SORCS1: variants seen among roughly 807,000 people sequenced by gnomAD.
SORCS1 encodes the protein sortilin related VPS10 domain containing receptor 1.
In SORCS1, 60 loss-of-function variants were observed where a neutral mutation model predicts 146.1. That is an observed-to-expected ratio of 0.41 (90% CI 0.33 to 0.51). SORCS1 has a LOEUF of 0.51. Ranked by LOEUF, SORCS1 falls within the 20% of genes least tolerant of loss-of-function variation. The pLI is 0.21. For synonymous variants in SORCS1, 637 were observed against 584.0 expected (o/e 1.09, Z -1.31); for missense variants, 1,352 against 1,487.6 (o/e 0.91, Z 1.50).
chr10:106,820,041 C>A (rs1947934272), intron 3 of SORCS1, among the ~76,000 whole-genome samples: 1 of 152,136 alleles, frequency 6.6e-6, no homozygotes. Flanking sequence ...TCCTTCTATG[C>A]CTCTTCTCTT....
intron 10 of SORCS1, among the ~76,000 whole-genome samples, chr10:106,680,735 C>T (rs1852377542): frequency 6.6e-6 from 1 of 152,234 alleles, no homozygotes; most frequent in Non-Finnish European, 1.5e-5. Context: ...CTTTTCATAT[C>T]TCAGGAAGAT....
At chr10:106,725,281 G>C (rs1225019713) in intron 6 of SORCS1, among the ~76,000 whole-genome samples, 1 of 152,134 alleles carries the variant, frequency 6.6e-6, no homozygotes, top group Non-Finnish European at 1.5e-5. Context: ...CGGGCGCAGT[G>C]GCTCATGTCT....
intron 3 of SORCS1, among the ~76,000 whole-genome samples, chr10:106,814,796 T>A (rs1947649991): frequency 6.7e-6 from 1 of 149,460 alleles, no homozygotes; most frequent in Non-Finnish European, 1.5e-5. Context: ...GCGCCTGTAG[T>A]CCCAGCTACT....
At chr10:107,181,045 A>G in the SORCS1 span, among the ~76,000 whole-genome samples, 1 of 152,162 alleles carries the variant, frequency 6.6e-6, no homozygotes, top group East Asian at 1.9e-4. Flanking sequence ...AAAATAGTAA[A>G]ACTGAGTAGG....
intron 18 of SORCS1, among the ~76,000 whole-genome samples, chr10:106,641,912 T>C (rs1000272154): frequency 6.6e-6 from 1 of 152,134 alleles, no homozygotes; most frequent in Non-Finnish European, 1.5e-5. Flanking sequence ...ATAACAGAGG[T>C]CCTAGTCAAA....
At chr10:106,752,924 C>G (rs1004611700) in intron 5 of SORCS1, among the ~76,000 whole-genome samples, 3 of 152,172 alleles carry the variant, frequency 2.0e-5, no homozygotes, top group African/African-American at 7.2e-5. Context: ...AATATGGAAG[C>G]CTATTTTTAA....
intron 17 of SORCS1, among the ~76,000 whole-genome samples, chr10:106,662,081 T>C (rs1400009653): frequency 6.6e-6 from 1 of 152,222 alleles, no homozygotes; most frequent in Non-Finnish European, 1.5e-5. Context: ...CCATCCATCC[T>C]TTCTAAGTCC....
chr10:107,113,691 A>G (rs1965842981), intron 1 of SORCS1, among the ~76,000 whole-genome samples: 1 of 135,964 alleles, frequency 7.4e-6, no homozygotes, highest in African/African-American at 3.1e-5. Flanking sequence ...CTCCATCTCA[A>G]AAAAAAAAAA....
intron 5 of SORCS1, among the ~76,000 whole-genome samples, chr10:106,747,120 C>T (rs1259079426): frequency 6.6e-6 from 1 of 152,192 alleles, no homozygotes; most frequent in Non-Finnish European, 1.5e-5. Flanking sequence ...AAACCCTTTA[C>T]CATAAATCTC....
chr10:106,798,797 A>G (rs924980780), intron 3 of SORCS1, among the ~76,000 whole-genome samples: 2 of 152,200 alleles, frequency 1.3e-5, no homozygotes, highest in Admixed American at 1.3e-4. Flanking sequence ...CTTTGGGTAT[A>G]TACCCAGTAA....
intron 3 of SORCS1, among the ~76,000 whole-genome samples, chr10:106,825,895 C>T (rs1438751502): frequency 6.6e-6 from 1 of 152,180 alleles, no homozygotes; most frequent in African/African-American, 2.4e-5. Flanking sequence ...AGGCTAATAC[C>T]TAGGACCCCT....
At chr10:106,885,970 C>T (rs1021743436) in intron 2 of SORCS1, among the ~76,000 whole-genome samples, 8 of 152,108 alleles carry the variant, frequency 5.3e-5, no homozygotes, top group African/African-American at 1.9e-4. Context: ...GTCCATTAAA[C>T]CTCTTTCTTG....
At chr10:106,769,865 C>T (rs978083705) in intron 4 of SORCS1, among the ~76,000 whole-genome samples, 2 of 152,048 alleles carry the variant, frequency 1.3e-5, no homozygotes, top group African/African-American at 4.8e-5. Context: ...GAGGCCGAGG[C>T]GGATCACTTG....
intron 2 of SORCS1, among the ~76,000 whole-genome samples, chr10:106,867,039 C>T (rs1564751959): frequency 6.6e-6 from 1 of 152,106 alleles, no homozygotes. Context: ...TGAAAACTTC[C>T]CCAACTTTGC....
At chr10:106,837,237 T>C (rs1056386129) in intron 2 of SORCS1, among the ~76,000 whole-genome samples, 2 of 152,166 alleles carry the variant, frequency 1.3e-5, no homozygotes, top group Non-Finnish European at 2.9e-5. Context: ...ACCAGTATCA[T>C]GACAGTTGAC....
At chr10:107,179,550 C>T in the SORCS1 span, among the ~76,000 whole-genome samples, 2 of 152,166 alleles carry the variant, frequency 1.3e-5, no homozygotes, top group Non-Finnish European at 2.9e-5. Context: ...TGTGTGTATT[C>T]AGCACTGTAA....
chr10:106,597,190 T>C (rs1331687811), intron 24 of SORCS1, among the ~76,000 whole-genome samples, 161 bp downstream of exon 24: 1 of 152,176 alleles, frequency 6.6e-6, no homozygotes, highest in East Asian at 1.9e-4. Context: ...CGGTTCTCCA[T>C]TAAGGCAGAA....
chr10:106,835,689 C>T (rs116960940), intron 2 of SORCS1, among the ~76,000 whole-genome samples: 2 of 152,130 alleles, frequency 1.3e-5, no homozygotes, highest in Non-Finnish European at 2.9e-5. Context: ...AATTCCATTT[C>T]TGAATAGACC....
intron 3 of SORCS1, among the ~76,000 whole-genome samples, chr10:106,799,475 T>C (rs1191714068): frequency 1.3e-5 from 2 of 152,190 alleles, no homozygotes; most frequent in African/African-American, 4.8e-5. Context: ...TTTTGCAATC[T>C]ACTCATCTGA....
Sources: allele counts gnomAD v4.1 joint callset (sites outside exome capture counted in the v4.1 genomes callset), GRCh38; gene constraint gnomAD v4.1.1; transcripts MANE v1.5; gene names NCBI Gene and HGNC (gene_info 2026-07-23, HGNC 2026-07-21).